The following VIRMA variants were observed in gnomAD, a reference collection of about 807,000 sequenced individuals.
VIRMA encodes the protein vir like m6A methyltransferase associated.
In VIRMA, 65 loss-of-function variants were observed where a neutral mutation model predicts 182.4. The ratio of observed to expected loss-of-function variants is 0.36; its 90% confidence interval spans 0.29 to 0.44. The LOEUF (loss-of-function observed/expected upper bound fraction) is 0.44. Among genes scored for constraint, VIRMA ranks in the 20% least tolerant of loss-of-function variants. VIRMA has a pLI of 1.00. For synonymous variants in VIRMA, 709 were observed against 743.1 expected, an observed-to-expected ratio of 0.95 and a Z score of 0.75; for missense variants, 1,752 against 2,158.1, an observed-to-expected ratio of 0.81 and a Z score of 3.73.
intron 4 of VIRMA, 94 bp downstream of exon 4, chr8:94,537,009 A>G (rs1815368674): frequency 1.2e-6 from 1 of 828,878 alleles, no homozygotes; most frequent in Non-Finnish European, 2.0e-6. Context: ...AAAAGATATG[A>G]CACTCTGCAA....
chr8:94,528,231 C>CAAAA (rs11368037), intron 7 of VIRMA, among the ~76,000 whole-genome samples: 24 of 91,538 alleles, frequency 2.6e-4, no homozygotes, highest in Non-Finnish European at 3.7e-4. Flanking sequence ...GACTTTGTCT[C>CAAAA]AAAAAAAAAA....
chr8:94,540,476 T>C (rs1490705198), intron 2 of VIRMA, among the ~76,000 whole-genome samples: 1 of 148,550 alleles, frequency 6.7e-6, no homozygotes, highest in Non-Finnish European at 1.5e-5. Flanking sequence ...TTTTTTTTTT[T>C]TTTTTGAGAC....
At chr8:94,507,994 T>C (rs1026532548) in intron 15 of VIRMA, among the ~76,000 whole-genome samples, 7 of 150,188 alleles carry the variant, frequency 4.7e-5, no homozygotes, top group African/African-American at 1.2e-4. Flanking sequence ...TGTGTATATA[T>C]ATAAGTATAT....
At chr8:94,527,892 TCA>T (rs1815029291) in intron 7 of VIRMA, among the ~76,000 whole-genome samples, 1 of 152,222 alleles carries the variant, frequency 6.6e-6, no homozygotes, top group African/African-American at 2.4e-5. Context: ...CATTTACCTA[TCA>T]CACAGTTTTG....
At chr8:94,544,681 G>GAA (rs775814781) in intron 1 of VIRMA, among the ~76,000 whole-genome samples, 5,124 of 130,276 alleles carry the variant, frequency 0.039, 111 homozygotes, top group Non-Finnish European at 0.052. Context: ...AAAAAAAAAA[G>GAA]AAAAAAAAAG....
chr8:94,506,321 C>G (rs980486435), intron 16 of VIRMA, among the ~76,000 whole-genome samples, 179 bp downstream of exon 16: 3 of 152,200 alleles, frequency 2.0e-5, no homozygotes, highest in Non-Finnish European at 2.9e-5. Flanking sequence ...CCAAAAGATT[C>G]TATTATTAGC....
At chr8:94,546,759 T>TAC (rs900618250) in intron 1 of VIRMA, 10 of 372,920 alleles carry the variant, frequency 2.7e-5, no homozygotes, top group Non-Finnish European at 1.0e-5. Flanking sequence ...GTATCATTCT[T>TAC]ACGCCTTTGC....
intron 19 of VIRMA, 47 bp from the exon 20 acceptor site, chr8:94,495,003 A>G: frequency 7.3e-7 from 1 of 1,373,484 alleles, no homozygotes; most frequent in Non-Finnish European, 1.0e-6. Context: ...CTAAAATCAA[A>G]TTTCAATTTT....
In VIRMA at chr8:94,526,649, T is replaced by C. The variant is rs763089038; in HGVS notation, c.1595A>G (p.Gln532Arg). Residue 532 changes from glutamine to arginine, a missense_variant, in exon 8 of 24, where the codon CAA (glutamine) becomes CGA (arginine). Transcript: ENST00000297591. ...TAAAAGTATGAGTTCCAGAAGCTTT[T>C]GATAACCACTTTTTTCATTCTGCCT... ...RGRQNEKSGYQKLLELILLDQ... is the reference protein window; with the variant it reads ...RGRQNEKSGYRKLLELILLDQ... 1.4e-5 allele frequency: 22 copies of C among 1,614,158 alleles called. No homozygotes were observed. The highest frequency in any genetic ancestry group is 1.8e-5 in the Non-Finnish European group (21 of 1,180,030).
chr8:94,496,334 A>G lies in VIRMA; in HGVS notation c.4377T>C (p.Leu1459=). 6.2e-7 allele frequency: 1 copy of G among 1,607,106 alleles called. No individual in the cohort carries two copies. The highest frequency in any genetic ancestry group is 8.5e-7 in the Non-Finnish European group (1 of 1,178,392). Reference sequence around the variant, plus strand: ...CTGTTTTTTTCTTTTTTACCAAAACAAGCTTCTCTAGTTCAAGGAACAAAT... The same window carrying G: ...CTGTTTTTTTCTTTTTTACCAAAACGAGCTTCTCTAGTTCAAGGAACAAAT... ...PENLFLELEK[L]VLEHSKDDDN... is the part of the protein sequence containing the mutation. The change falls in exon 18 of 24, where the codon CTT becomes CTC. Residue 1459 remains leucine (L), a synonymous_variant. Transcript: ENST00000297591.
At chr8:94,530,314 T>C (rs1163009178) in intron 6 of VIRMA, among the ~76,000 whole-genome samples, 5 of 151,938 alleles carry the variant, frequency 3.3e-5, no homozygotes. Flanking sequence ...AAGACCAGCC[T>C]GAGCAACATA....
At chr8:94,535,638 C>A (rs926380858) in intron 4 of VIRMA, among the ~76,000 whole-genome samples, 1 of 151,986 alleles carries the variant, frequency 6.6e-6, no homozygotes, top group African/African-American at 2.4e-5. Context: ...CAAAAATTAG[C>A]CAGGGTGGTG....
At chr8:94,506,289 C>A (rs1017045340) in intron 16 of VIRMA, among the ~76,000 whole-genome samples, 1 of 152,196 alleles carries the variant, frequency 6.6e-6, no homozygotes, top group Non-Finnish European at 1.5e-5. Context: ...ATTTGTGTAT[C>A]TATTCATTTT....
In VIRMA at chr8:94,519,203, T is replaced by C; in HGVS notation, c.2295A>G (p.Thr765=). The C allele has an allele frequency of 6.2e-7, 1 of 1,614,166 alleles. No individual in the cohort carries two copies. Among genetic ancestry groups the C allele is most frequent in the South Asian group, 1.1e-5 (1 of 91,080 alleles). ...DAFALWLQDS[T]QTLQCITELF... is the part of the protein sequence containing the mutation. Reference sequence around the variant, plus strand: ...GTTCTGTAATACATTGCAATGTCTGTGTTGAGTCCTGTAGCCACAAGGCAA... The same window carrying C: ...GTTCTGTAATACATTGCAATGTCTGCGTTGAGTCCTGTAGCCACAAGGCAA... Residue 765 remains threonine, a synonymous_variant, in exon 9 of 24, where the codon ACA becomes ACG. Transcript: ENST00000297591.
chr8:94,519,440 G>A lies in VIRMA; in HGVS notation c.2058C>T (p.Thr686=), dbSNP rs1183728588. The A allele has an allele frequency of 6.6e-7, 1 of 1,526,450 alleles. No individual in the cohort carries two copies. The highest frequency in any genetic ancestry group is 1.4e-5 in the African/African-American group (1 of 71,768). 94.6% of individuals were successfully genotyped at this position (1,526,450 alleles called of 1,614,324 possible). ...LHSHHFLELV[T]LLLSIPVTSA... is the part of the protein sequence containing the mutation. ...TTGTTACTGGAATTGACAGAAGCAAGGTAACCAACTCCAAGAAGTGATGAC... is the reference window on the plus strand; with the variant it reads ...TTGTTACTGGAATTGACAGAAGCAAAGTAACCAACTCCAAGAAGTGATGAC... Residue 686 remains threonine (T), a synonymous_variant, in exon 9 of 24, where the codon ACC becomes ACT. Transcript: ENST00000297591.
chr8:94,522,447 C>T lies in VIRMA; in HGVS notation c.2022-2971G>A, dbSNP rs548686366. On this transcript the variant is annotated intron_variant, in intron 8 of 23. Transcript: ENST00000297591. ...AGTCCTCCTAGAGAATCTTGGTGCT[C>T]TTGGGGAACCTGACATAGGACAATA... Among the ~76,000 whole-genome samples, 6 of 152,266 alleles carry T rather than the reference C, an allele frequency of 3.9e-5. No individual in the cohort carries two copies. In the South Asian group the frequency reaches 1.2e-3, roughly 32 times the overall value.
chr8:94,500,596 T>C (rs1813934375), intron 16 of VIRMA, among the ~76,000 whole-genome samples: 1 of 151,392 alleles, frequency 6.6e-6, no homozygotes, highest in Admixed American at 6.6e-5. Flanking sequence ...GGGGCTCTAA[T>C]ACACTGCTAG....
intron 1 of VIRMA, 72 bp downstream of exon 1, chr8:94,553,313 G>T: frequency 7.0e-7 from 1 of 1,438,644 alleles, no homozygotes; most frequent in Non-Finnish European, 9.8e-7. Flanking sequence ...GAAAAGTGGA[G>T]AACGCCTAAC....
At chr8:94,524,037 T>C (rs1462862815) in intron 8 of VIRMA, among the ~76,000 whole-genome samples, 1 of 151,808 alleles carries the variant, frequency 6.6e-6, no homozygotes, top group African/African-American at 2.4e-5. Flanking sequence ...TTCGCTCTTG[T>C]TGCTTAGGCT....
Sources: gnomAD v4.1 joint callset for allele counts (sites outside exome capture counted in the v4.1 genomes callset) on GRCh38, gnomAD v4.1.1 for gene constraint, MANE v1.5 for transcripts, NCBI Gene and HGNC (gene_info 2026-07-23, HGNC 2026-07-21) for gene names.